The following KCNH3 variants were observed in gnomAD, a reference collection of about 807,000 sequenced individuals.
The protein encoded by KCNH3 is voltage-gated inwardly rectifying potassium channel KCNH3.
KCNH3 carries 36 observed loss-of-function variants against 95.6 expected under a neutral mutation model. The observed-to-expected ratio is 0.38, with a 90% confidence interval of 0.29 to 0.50. KCNH3 has a LOEUF of 0.50. Among genes scored for constraint, KCNH3 ranks in the 20% least tolerant of loss-of-function variants. The pLI is 0.95. For missense variants in KCNH3, 1,030 were observed against 1,484.1 expected (o/e 0.69, Z 5.03); for synonymous variants, 620 against 646.3 (o/e 0.96, Z 0.62).
At chr12:49,543,742 C>G in intron 5 of KCNH3, 173 bp from the exon 6 acceptor site, 8 of 1,055,250 alleles carry the variant, frequency 7.6e-6, no homozygotes, top group Non-Finnish European at 1.1e-5. Context: ...AATAGATTCC[C>G]CCTTTGTAAA....
intron 1 of KCNH3, 34 bp from the exon 2 acceptor site, chr12:49,540,865 C>T (rs377314805): frequency 6.3e-7 from 1 of 1,577,018 alleles, no homozygotes; most frequent in East Asian, 2.2e-5. Context: ...TGCCCCTTCA[C>T]CCCACGCCTC....
At chr12:49,554,670 T>C (rs1938371648) in intron 11 of KCNH3, 116 bp downstream of exon 11, 3 of 906,060 alleles carry the variant, frequency 3.3e-6, no homozygotes, top group Non-Finnish European at 1.7e-6. Context: ...GTATGAAAGC[T>C]CCCACCTTGG....
chr12:49,552,801 T>A (rs527772257), intron 10 of KCNH3, among the ~76,000 whole-genome samples: 20 of 152,346 alleles, frequency 1.3e-4, no homozygotes, highest in African/African-American at 4.3e-4. Context: ...CTATTTCAGA[T>A]GACGCCAATG....
intron 9 of KCNH3, 120 bp downstream of exon 9, chr12:49,549,760 C>T: frequency 1.0e-6 from 1 of 968,444 alleles, no homozygotes; most frequent in Non-Finnish European, 1.5e-6. Context: ...CCTCCCTTCT[C>T]TCTTGAGGGG....
In KCNH3 at chr12:49,557,199, T is replaced by G. The variant is rs11541357; in HGVS notation, c.2592T>G (p.Thr864=). 0.011 allele frequency: 17,247 copies of G among 1,613,812 alleles called. 122 individuals carry two copies. Among genetic ancestry groups the G allele is most frequent in the Non-Finnish European group, 0.013 (14,901 of 1,179,906 alleles). Residue 864 remains threonine (T), a synonymous_variant, in exon 14 of 15, where the codon ACT becomes ACG. Transcript: ENST00000257981. ...PSPGPESGLL[T]VPHGPSEARN... ...TACCCACAGAGAGCGGCCTGCTCAC[T>G]GTTCCCCATGGGCCCAGCGAGGCAA...
chr12:49,542,585 A>T (rs1937906962), intron 3 of KCNH3, 121 bp from the exon 4 acceptor site: 1 of 1,215,260 alleles, frequency 8.2e-7, no homozygotes, highest in Non-Finnish European at 1.1e-6. Flanking sequence ...AACTCTAAAC[A>T]TTCTAAGTGG....
In KCNH3 at chr12:49,549,453, CGGT is replaced by C; in HGVS notation, c.1486_1488del (p.Val496del). ...CACCCTCCCCCAGCCCTGATGCACG[CGGT>C]GGTGTTTGGGAACGTGACGGCCATC... On this transcript the variant is annotated inframe_deletion, in exon 9 of 15. Coordinates refer to ENST00000257981, the MANE Select transcript of KCNH3 (RefSeq NM_012284.3). The C allele has an allele frequency of 1.2e-6, 2 of 1,613,460 alleles. No individual in the cohort carries two copies. The highest frequency in any genetic ancestry group is 1.7e-6 in the Non-Finnish European group (2 of 1,179,986).
Position 49,539,412 on chromosome 12 carries a change from C to T in KCNH3, c.-5C>T, listed in dbSNP as rs1223773103. The T allele has an allele frequency of 1.9e-6, 3 of 1,550,734 alleles. No homozygotes were observed. The African/African-American group carries it at 4.3e-5, about 22-fold the overall frequency. On this transcript the variant is annotated 5_prime_UTR_variant, in exon 1 of 15. Transcript: ENST00000257981. The surrounding 1 kb of genome is among the most constrained non-coding windows in gnomAD (Gnocchi z 6.7). ...GGATGGGGCGGGCAGCCGCGGGCGC[C>T]TAAGATGCCGGCCATGCGGGGCCTC...
chr12:49,546,171 C>T (rs891145640), intron 7 of KCNH3: 1 of 152,208 alleles, frequency 6.6e-6, no homozygotes, highest in African/African-American at 2.4e-5. Context: ...AGACCTTCAG[C>T]TCCCAAGAAT....
In KCNH3 at chr12:49,548,982, G is replaced by C. The variant is rs758058504; in HGVS notation, c.1277G>C (p.Ser426Thr). The C allele has an allele frequency of 1.2e-6, 2 of 1,610,872 alleles. No homozygotes were observed. Among genetic ancestry groups the C allele is most frequent in the Non-Finnish European group, 1.7e-6 (2 of 1,179,146 alleles). ...GCTGGAGGGAACAGCTCCGGCCAGA[G>C]TGACAACTGCAGCAGCAGCAGCGAG... ...RPAGGNSSGQ[S>T]DNCSSSSEAN... Residue 426 changes from serine to threonine, a missense_variant, in exon 8 of 15, where the codon AGT (serine) becomes ACT (threonine). By Grantham distance (58) the Ser-to-Thr change is moderately conservative. Around this residue, in one of 9 missense-constraint regions of KCNH3, gnomAD observed 50 missense variants for 41.0 expected, o/e 1.22. Coordinates refer to ENST00000257981, the MANE Select transcript of KCNH3 (RefSeq NM_012284.3).
At position 49,541,258 on chromosome 12, in the gene KCNH3, C is replaced by T. The variant is rs901407680; in HGVS notation, c.310+126C>T. On this transcript the variant is annotated intron_variant, in intron 2 of 14. Transcript: ENST00000257981. Reference sequence around the variant, plus strand: ...CATCTCCCCATGTCATCCCATCTTCCCATCCCCCCATCCAACCCCTCTTGC... The same window carrying T: ...CATCTCCCCATGTCATCCCATCTTCTCATCCCCCCATCCAACCCCTCTTGC... 5 of 737,296 alleles carry T rather than the reference C, an allele frequency of 6.8e-6. No individual in the cohort carries two copies. The African/African-American group carries it at 7.0e-5, about 10-fold the overall frequency. The allele number at this position is 737,296 out of a possible 1,614,324, so 45.7% of individuals were successfully genotyped here.
At position 49,557,532 on chromosome 12, in the gene KCNH3, C is replaced by A; in HGVS notation, c.2831C>A (p.Ala944Glu). Reference sequence around the variant, plus strand: ...CAGCCTCTGTGTGTGGACACTGGGGCATCCTCCTACTGCCTGCAGCCCCCA... The same window carrying A: ...CAGCCTCTGTGTGTGGACACTGGGGAATCCTCCTACTGCCTGCAGCCCCCA... ...LLQPLCVDTG[A>E]SSYCLQPPAG... Residue 944 changes from alanine to glutamate, a missense_variant, in exon 15 of 15, where the codon GCA (alanine) becomes GAA (glutamate). Coordinates refer to ENST00000257981, the MANE Select transcript of KCNH3 (RefSeq NM_012284.3). 2 of 1,611,612 alleles carry A rather than the reference C, an allele frequency of 1.2e-6. No individual in the cohort carries two copies. The highest frequency in any genetic ancestry group is 1.7e-6 in the Non-Finnish European group (2 of 1,179,954).
intron 7 of KCNH3, among the ~76,000 whole-genome samples, chr12:49,548,300 C>T (rs1013207609): frequency 7.2e-5 from 11 of 152,222 alleles, no homozygotes; most frequent in Non-Finnish European, 1.6e-4. Context: ...CTGTAAGGGG[C>T]ATACATGTGT....
intron 7 of KCNH3, among the ~76,000 whole-genome samples, chr12:49,545,872 C>T (rs557531649): frequency 6.0e-4 from 92 of 152,248 alleles, no homozygotes; most frequent in African/African-American, 2.2e-3. Flanking sequence ...TCCCCAAGTG[C>T]TCTCACTGCT....
chr12:49,541,222 G>T, intron 2 of KCNH3, 90 bp downstream of exon 2: 2 of 954,174 alleles, frequency 2.1e-6, no homozygotes, highest in Non-Finnish European at 3.2e-6. Flanking sequence ...CCTTTCTGTT[G>T]CCATCTTCTC....
intron 7 of KCNH3, among the ~76,000 whole-genome samples, chr12:49,546,603 T>G (rs1295062759): frequency 1.3e-5 from 2 of 152,220 alleles, no homozygotes; most frequent in Non-Finnish European, 2.9e-5. Context: ...TTCACAAGAC[T>G]GTGCTGAGTA....
At chr12:49,542,448 G>C (rs985169595) in intron 3 of KCNH3, among the ~76,000 whole-genome samples, 2 of 152,216 alleles carry the variant, frequency 1.3e-5, no homozygotes, top group Non-Finnish European at 2.9e-5. Flanking sequence ...TCCCCGTAGA[G>C]ATCCTCTGGT....
At position 49,539,215 on chromosome 12, in the gene KCNH3, C is replaced by A. The variant is rs1937780834; in HGVS notation, c.-202C>A. 1 of 163,612 alleles carries A rather than the reference C, an allele frequency of 6.1e-6. No individual in the cohort carries two copies. Among genetic ancestry groups the A allele is most frequent in the Non-Finnish European group, 1.3e-5 (1 of 76,818 alleles). The allele number at this position is 163,612 out of a possible 1,614,324, so 10.1% of individuals were successfully genotyped here. A position where few individuals can be genotyped will look rare whatever the true frequency, so the allele number is the denominator to read the frequency against. On this transcript the variant is annotated 5_prime_UTR_variant, in exon 1 of 15. Coordinates refer to ENST00000257981, the MANE Select transcript of KCNH3 (RefSeq NM_012284.3). This position sits in a 1 kb window ranked among gnomAD's most constrained non-coding sequence, Gnocchi z 6.7. ...GGCGAGGGCGCGAGGGGCCGCGCGC[C>A]ATGCTCCGGGCCCCGACGGCGCGGA...
chr12:49,553,962 T>G (rs1024072800), intron 10 of KCNH3, among the ~76,000 whole-genome samples: 2 of 152,372 alleles, frequency 1.3e-5, no homozygotes, highest in African/African-American at 4.8e-5. Flanking sequence ...TAGGTAGAGA[T>G]AGGGCCTGGG....
Sources: gnomAD v4.1 joint callset for allele counts (sites outside exome capture counted in the v4.1 genomes callset) on GRCh38, gnomAD v4.1.1 for gene constraint, gnomAD v4.1.1 regional missense constraint, Gnocchi (gnomAD v3.1) non-coding constraint, MANE v1.5 for transcripts, NCBI Gene and HGNC (gene_info 2026-07-23, HGNC 2026-07-21) for gene names.